DNAJC1: variants seen among roughly 807,000 people sequenced by gnomAD.
The protein encoded by DNAJC1 is DnaJ heat shock protein family (Hsp40) member C1.
DNAJC1 carries 58 observed loss-of-function variants against 76.6 expected under a neutral mutation model. The ratio of observed to expected loss-of-function variants is 0.76; its 90% CI spans 0.61 to 0.94. The LOEUF (loss-of-function observed/expected upper bound fraction) is 0.94. Ranked by LOEUF, DNAJC1 falls within the 40% of genes least tolerant of loss-of-function variation. The pLI is 0.00. For missense variants in DNAJC1, 689 were observed against 677.3 expected (o/e 1.02, Z -0.19); for synonymous variants, 258 against 267.9 (o/e 0.96, Z 0.36).
intron 9 of DNAJC1, among the ~76,000 whole-genome samples, chr10:21,774,934 A>C (rs1199917333): frequency 6.6e-6 from 1 of 152,214 alleles, no homozygotes; most frequent in Non-Finnish European, 1.5e-5. Context: ...TTACTGACTT[A>C]AGGTTTCCTG....
intron 1 of DNAJC1, among the ~76,000 whole-genome samples, chr10:21,961,162 A>C (rs763830011): frequency 6.6e-6 from 1 of 152,226 alleles, no homozygotes; most frequent in African/African-American, 2.4e-5. Flanking sequence ...AAAAACAGTA[A>C]GATAGTTCCT....
At chr10:21,907,043 T>C (rs1283954890) in intron 6 of DNAJC1, among the ~76,000 whole-genome samples, 4 of 152,162 alleles carry the variant, frequency 2.6e-5, no homozygotes, top group African/African-American at 7.2e-5. Flanking sequence ...TGCTGTATAA[T>C]AGCAACCTCT....
chr10:21,933,753 A>T (rs1837265656), intron 1 of DNAJC1, among the ~76,000 whole-genome samples: 1 of 152,174 alleles, frequency 6.6e-6, no homozygotes, highest in Admixed American at 6.5e-5. Context: ...ATAAGAATAC[A>T]ATACAATGGA....
At chr10:21,922,931 A>T (rs542850638) in intron 3 of DNAJC1, among the ~76,000 whole-genome samples, 3 of 152,154 alleles carry the variant, frequency 2.0e-5, no homozygotes, top group Admixed American at 1.3e-4. Context: ...CTTAAGTATT[A>T]AATTTGCTTT....
At chr10:21,959,543 C>A (rs1404321716) in intron 1 of DNAJC1, among the ~76,000 whole-genome samples, 2 of 151,962 alleles carry the variant, frequency 1.3e-5, no homozygotes, top group East Asian at 3.9e-4. Context: ...GTGATCCCAG[C>A]ACTTTGGGAA....
intron 8 of DNAJC1, among the ~76,000 whole-genome samples, chr10:21,837,632 C>T (rs1357840737): frequency 1.1e-4 from 17 of 151,038 alleles, no homozygotes; most frequent in Non-Finnish European, 1.6e-4. Flanking sequence ...CCCCTCCGCC[C>T]GGCAGCCACC....
At position 21,837,151 on chromosome 10, in the gene DNAJC1, G is replaced by C. The variant is rs570348392; in HGVS notation, c.979-31052C>G. On this transcript the variant is annotated intron_variant, in intron 8 of 11. Transcript: ENST00000376980. ...TGGTCTCCAGCTCCTAACCGCGAGT[G>C]ATCTGCCAGCCTCGGCCTCCCGAGG... Among the ~76,000 whole-genome samples the C allele has an allele frequency of 6.3e-3, 962 of 152,360 alleles. 9 individuals carry two copies. The highest frequency in any genetic ancestry group is 0.021 in the African/African-American group (894 of 41,588).
chr10:21,848,500 C>G (rs1276134695), intron 8 of DNAJC1, among the ~76,000 whole-genome samples: 1 of 152,082 alleles, frequency 6.6e-6, no homozygotes, highest in Non-Finnish European at 1.5e-5. Flanking sequence ...GGTCTTACCC[C>G]TAAAAAAATC....
chr10:21,834,470 G>C (rs957654952), intron 8 of DNAJC1, among the ~76,000 whole-genome samples: 1 of 152,148 alleles, frequency 6.6e-6, no homozygotes, highest in Non-Finnish European at 1.5e-5. Flanking sequence ...CCAGACAGTA[G>C]GTGCAGGACA....
At chr10:21,811,209 G>T (rs1338952028) in intron 8 of DNAJC1, among the ~76,000 whole-genome samples, 1 of 152,168 alleles carries the variant, frequency 6.6e-6, no homozygotes, top group Non-Finnish European at 1.5e-5. Flanking sequence ...TTGTATTTCT[G>T]AACATTATTG....
At chr10:21,958,151 T>C (rs979620722) in intron 1 of DNAJC1, among the ~76,000 whole-genome samples, 1 of 152,168 alleles carries the variant, frequency 6.6e-6, no homozygotes, top group Non-Finnish European at 1.5e-5. Context: ...AAACTAAAAC[T>C]ATAATGGAGT....
chr10:21,951,999 C>T (rs1236621190), intron 1 of DNAJC1, among the ~76,000 whole-genome samples: 1 of 152,150 alleles, frequency 6.6e-6, no homozygotes, highest in Admixed American at 6.5e-5. Context: ...AGGTGATTAG[C>T]AAGCAAATTA....
At chr10:21,836,103 G>C (rs1013219287) in intron 8 of DNAJC1, among the ~76,000 whole-genome samples, 1 of 152,214 alleles carries the variant, frequency 6.6e-6, no homozygotes, top group African/African-American at 2.4e-5. Context: ...ACAAAGGGAA[G>C]CCCATCAGAC....
At chr10:21,802,032 T>C (rs889500708) in intron 9 of DNAJC1, among the ~76,000 whole-genome samples, 2 of 152,170 alleles carry the variant, frequency 1.3e-5, no homozygotes, top group Admixed American at 1.3e-4. Flanking sequence ...TATTGGGTAG[T>C]AGGCTTAATA....
chr10:21,756,955 GC>G (rs1834182577), intron 11 of DNAJC1, among the ~76,000 whole-genome samples, 200 bp from the exon 12 acceptor site: 1 of 152,228 alleles, frequency 6.6e-6, no homozygotes, highest in East Asian at 1.9e-4. Context: ...TGCAAGCCCA[GC>G]CCAAAGGGAA....
intron 1 of DNAJC1, among the ~76,000 whole-genome samples, chr10:21,930,429 A>T (rs1050299630): frequency 7.2e-5 from 11 of 152,372 alleles, no homozygotes; most frequent in Middle Eastern, 3.4e-3. Flanking sequence ...TCAAATGATG[A>T]AAACACCAAA....
At chr10:21,990,871 T>A (rs1368496029) in intron 1 of DNAJC1, among the ~76,000 whole-genome samples, 2 of 152,246 alleles carry the variant, frequency 1.3e-5, no homozygotes, top group Admixed American at 6.5e-5. Context: ...AAAATCTACT[T>A]CTTTTTCTCA....
chr10:21,835,594 T>A (rs368487618), intron 8 of DNAJC1, among the ~76,000 whole-genome samples: 4 of 152,054 alleles, frequency 2.6e-5, no homozygotes, highest in Non-Finnish European at 5.9e-5. Context: ...ATTAGACGAA[T>A]GGATAACTAG....
intron 8 of DNAJC1, among the ~76,000 whole-genome samples, chr10:21,863,940 G>A (rs1264266568): frequency 6.6e-6 from 1 of 152,158 alleles, no homozygotes; most frequent in Non-Finnish European, 1.5e-5. Context: ...GGTGGCTCAG[G>A]CCTTTAATCC....
Sources: gnomAD v4.1 joint callset for allele counts (sites outside exome capture counted in the v4.1 genomes callset) on GRCh38, gnomAD v4.1.1 for gene constraint, MANE v1.5 for transcripts, NCBI Gene and HGNC (gene_info 2026-07-23, HGNC 2026-07-21) for gene names.